The following SHISAL2A variants were observed in gnomAD, a reference collection of about 807,000 sequenced individuals.
SHISAL2A encodes protein shisa-like-2A.
In SHISAL2A, 18 loss-of-function variants were observed where a neutral mutation model predicts 11.5. The ratio of observed to expected loss-of-function variants is 1.57; its 90% CI spans 1.08 to 2.33. SHISAL2A has a LOEUF of 2.33. SHISAL2A is among the 30% of genes most tolerant of loss of function. SHISAL2A has a pLI of 0.00. For synonymous variants in SHISAL2A, 94 were observed against 99.6 expected (o/e 0.94, Z 0.34); for missense variants, 261 against 250.9 (o/e 1.04, Z -0.27).
intron 4 of SHISAL2A, among the ~76,000 whole-genome samples, chr1:52,663,956 C>A (rs925718053): frequency 3.3e-5 from 5 of 152,152 alleles, no homozygotes; most frequent in African/African-American, 9.7e-5. Context: ...CCTGATTATG[C>A]TGATGCAACA....
rs1043946167 is a variant in SHISAL2A at position 52,633,571 on chromosome 1, C to A, written c.78C>A (p.Gly26=). 2.5e-5 allele frequency: 41 copies of A among 1,610,744 alleles called. No homozygotes were observed. Among genetic ancestry groups the A allele is most frequent in the Non-Finnish European group, 3.1e-5 (36 of 1,178,820 alleles). The part of the protein sequence containing the change: ...VRGFSCPRPG[G]EAAAVFCCGF... The stretch of plus-strand genomic sequence containing the variant: ...GCTTCAGCTGCCCGCGGCCGGGGGG[C>A]GAGGCGGCCGCTGTCTTCTGCTGCG... The change falls in exon 1 of 3, where the codon GGC becomes GGA. Residue 26 remains glycine, a synonymous_variant. Transcript: ENST00000517870. This position sits in a 1 kb window ranked among gnomAD's most constrained non-coding sequence, Gnocchi z 6.4.
At chr1:52,656,082 C>G (rs1450590550) in intron 2 of SHISAL2A, among the ~76,000 whole-genome samples, 2 of 151,470 alleles carry the variant, frequency 1.3e-5, no homozygotes, top group Non-Finnish European at 2.9e-5. Flanking sequence ...TCTAGAAAGA[C>G]AGAAATGTTC....
At chr1:52,665,006 C>T (rs1299394936) in intron 4 of SHISAL2A, among the ~76,000 whole-genome samples, 1 of 152,172 alleles carries the variant, frequency 6.6e-6, no homozygotes. Flanking sequence ...CCAGGCTGGT[C>T]TCGAACTCCC....
At chr1:52,643,056 AG>A (rs1257031686) in intron 2 of SHISAL2A, 54 bp downstream of exon 2, 5 of 1,559,282 alleles carry the variant, frequency 3.2e-6, no homozygotes, top group South Asian at 2.3e-5. Flanking sequence ...CACCTTTTCA[AG>A]GGGGGAGAAA....
At chr1:52,668,141 C>T (rs991039134) in intron 5 of SHISAL2A, among the ~76,000 whole-genome samples, 1 of 152,294 alleles carries the variant, frequency 6.6e-6, no homozygotes, top group Non-Finnish European at 1.5e-5. Context: ...GGAAATGTCT[C>T]CACACTTTAA....
At position 52,663,664 on chromosome 1, in the gene SHISAL2A, C is replaced by T. The variant is rs558998159; in HGVS notation, n.696-3735C>T. ...TGATCCCAGCTACTCGGGAAGCTGA[C>T]GCAGGAGAATCGCTTGAACCTGGGA... On this transcript the variant is annotated intron_variant and non_coding_transcript_variant, in intron 4 of 5. Coordinates refer to the SHISAL2A transcript ENST00000401050. Among the ~76,000 whole-genome samples the T allele has an allele frequency of 3.9e-4, 59 of 152,084 alleles. 1 individual carries two copies. In the Middle Eastern group the frequency reaches 0.024, roughly 62 times the overall value.
At chr1:52,650,584 G>A (rs1691612252) in intron 2 of SHISAL2A, among the ~76,000 whole-genome samples, 1 of 151,184 alleles carries the variant, frequency 6.6e-6, no homozygotes, top group Non-Finnish European at 1.5e-5. Flanking sequence ...TTATTATTAG[G>A]CGCTTCAATT....
At chr1:52,642,795 A>G (rs912402039) in intron 1 of SHISAL2A, 68 bp from the exon 2 acceptor site, 5 of 1,503,560 alleles carry the variant, frequency 3.3e-6, no homozygotes, top group Admixed American at 3.5e-5. Flanking sequence ...TAGCTACAAC[A>G]CTTTTATAAC....
rs1046763772 is a variant in SHISAL2A at position 52,633,695 on chromosome 1, C to T, written c.182+20C>T. On this transcript the variant is annotated intron_variant, in intron 1 of 2. Transcript: ENST00000517870. This position sits in a 1 kb window ranked among gnomAD's most constrained non-coding sequence, Gnocchi z 6.4. ...GCTCAGGTACCGTCCCTGGCCCTCACCCTACCTTGAACCCCACTCCAGTCT... is the reference window on the plus strand; with the variant it reads ...GCTCAGGTACCGTCCCTGGCCCTCATCCTACCTTGAACCCCACTCCAGTCT... 46 of 1,589,716 alleles carry T rather than the reference C, an allele frequency of 2.9e-5. No homozygotes were observed. Among genetic ancestry groups the T allele is most frequent in the Non-Finnish European group, 3.4e-5 (40 of 1,168,082 alleles).
At chr1:52,651,412 T>C (rs996456744) in intron 2 of SHISAL2A, among the ~76,000 whole-genome samples, 5 of 152,066 alleles carry the variant, frequency 3.3e-5, no homozygotes, top group Non-Finnish European at 7.4e-5. Flanking sequence ...AATATTTGTA[T>C]TTTTAGTAGA....
chr1:52,650,083 A>G (rs1691593276), intron 2 of SHISAL2A, among the ~76,000 whole-genome samples: 1 of 152,172 alleles, frequency 6.6e-6, no homozygotes, highest in South Asian at 2.1e-4. Context: ...AATGACTTTC[A>G]TCAGCCCCTC....
chr1:52,643,417 T>C (rs549694829), intron 2 of SHISAL2A, among the ~76,000 whole-genome samples: 1 of 152,230 alleles, frequency 6.6e-6, no homozygotes, highest in Non-Finnish European at 1.5e-5. Context: ...TGCGTTTTTT[T>C]AAATAATCTG....
chr1:52,646,199 T>G (rs1194945310), intron 2 of SHISAL2A, among the ~76,000 whole-genome samples: 1 of 152,032 alleles, frequency 6.6e-6, no homozygotes, highest in Non-Finnish European at 1.5e-5. Context: ...CAGCCTACAA[T>G]AAAGAGGACA....
downstream of SHISAL2A, among the ~76,000 whole-genome samples, chr1:52,658,751 C>T (rs538547616): frequency 2.0e-5 from 3 of 152,248 alleles, no homozygotes; most frequent in Non-Finnish European, 2.9e-5. Flanking sequence ...CTAACTTTGG[C>T]GATGGCTTTT....
chr1:52,668,335 T>C (rs536553960), intron 5 of SHISAL2A, among the ~76,000 whole-genome samples: 10 of 152,196 alleles, frequency 6.6e-5, no homozygotes, highest in African/African-American at 2.2e-4. Flanking sequence ...ACTGGGAAAT[T>C]TCCGTGCACT....
At chr1:52,639,812 A>G (rs1479806884) in intron 1 of SHISAL2A, among the ~76,000 whole-genome samples, 1 of 151,962 alleles carries the variant, frequency 6.6e-6, no homozygotes, top group East Asian at 1.9e-4. Context: ...TTTTTGAGAC[A>G]GGGTCTTGCT....
At chr1:52,657,193 T>C, downstream of SHISAL2A, 8 of 1,074,470 alleles carry the variant, frequency 7.4e-6, 1 homozygote, top group South Asian at 1.5e-4. Context: ...ACTGTTCTGC[T>C]TGGCCTATTG....
Position 52,633,307 on chromosome 1 carries a change from C to T in SHISAL2A, c.-187C>T, listed in dbSNP as rs1691167274. ...CCTACCCCTCCGCGCGGGCCGGGCA[C>T]CTGGCCGCCGCTCGGTCCTCGGGGC... On this transcript the variant is annotated 5_prime_UTR_variant, in exon 1 of 3. Coordinates refer to ENST00000517870, the MANE Select transcript of SHISAL2A (RefSeq NM_001042693.3). The surrounding 1 kb of genome is among the most constrained non-coding windows in gnomAD (Gnocchi z 6.4). 3 of 519,650 alleles carry T rather than the reference C, an allele frequency of 5.8e-6. No homozygotes were observed. Among genetic ancestry groups the T allele is most frequent in the East Asian group, 3.7e-5 (1 of 27,294 alleles). The allele number at this position is 519,650 out of a possible 1,614,324, so 32.2% of individuals were successfully genotyped here. A position where few individuals can be genotyped will look rare whatever the true frequency, so the allele number is the denominator to read the frequency against.
intron 2 of SHISAL2A, among the ~76,000 whole-genome samples, chr1:52,654,780 A>G (rs1313218452): frequency 6.6e-6 from 1 of 152,260 alleles, no homozygotes; most frequent in African/African-American, 2.4e-5. Flanking sequence ...TTTAAAAAAG[A>G]TAAGCCAGTA....
Sources: gnomAD v4.1 joint callset for allele counts (sites outside exome capture counted in the v4.1 genomes callset) on GRCh38, gnomAD v4.1.1 for gene constraint, Gnocchi (gnomAD v3.1) non-coding constraint, MANE v1.5 for transcripts, NCBI Gene and HGNC (gene_info 2026-07-23, HGNC 2026-07-21) for gene names.